GALNTL6: variants seen among roughly 807,000 people sequenced by gnomAD.
GALNTL6 encodes polypeptide N-acetylgalactosaminyltransferase-like 6.
Under a neutral mutation model 73.7 loss-of-function variants are expected in GALNTL6, and 46 were observed. That is an observed-to-expected ratio of 0.62 (90% CI 0.49 to 0.80). The LOEUF is 0.80. Ranked by LOEUF, GALNTL6 falls within the 30% of genes least tolerant of loss-of-function variation. The pLI is 0.00. For synonymous variants in GALNTL6, 259 were observed against 263.7 expected (o/e 0.98, Z 0.17); for missense variants, 604 against 755.0 (o/e 0.80, Z 2.34).
At chr4:172,464,776 A>G (rs1732748432) in intron 5 of GALNTL6, among the ~76,000 whole-genome samples, 1 of 152,098 alleles carries the variant, frequency 6.6e-6, no homozygotes. Context: ...ATTAAAGCAA[A>G]TCAAAGCACA....
At chr4:172,357,634 T>TACACACACACACAC (rs5864129) in intron 5 of GALNTL6, among the ~76,000 whole-genome samples, 57 of 145,838 alleles carry the variant, frequency 3.9e-4, no homozygotes, top group Middle Eastern at 3.5e-3. Flanking sequence ...TATAGATATA[T>TACACACACACACAC]ACACACACAC....
intron 5 of GALNTL6, among the ~76,000 whole-genome samples, chr4:172,431,746 A>G (rs1242100768): frequency 1.3e-5 from 2 of 152,160 alleles, no homozygotes; most frequent in Non-Finnish European, 2.9e-5. Context: ...ATAACTGATT[A>G]GTGTTTTTCT....
In GALNTL6 at chr4:172,419,432, G is replaced by A. The variant is rs80119509; in HGVS notation, c.553+70743G>A. Among the ~76,000 whole-genome samples, 454 of 152,190 alleles carry A rather than the reference G, an allele frequency of 3.0e-3. 1 individual carries two copies. The highest frequency in any genetic ancestry group is 5.0e-3 in the Non-Finnish European group (341 of 68,004). Reference sequence around the variant, plus strand: ...ATGATTATTTTAGTTATAATTTATTGGATATTTTCGATTTCTTTCTTTCAA... The same window carrying A: ...ATGATTATTTTAGTTATAATTTATTAGATATTTTCGATTTCTTTCTTTCAA... On this transcript the variant is annotated intron_variant, in intron 5 of 12. Coordinates refer to ENST00000506823, the MANE Select transcript of GALNTL6 (RefSeq NM_001034845.3).
At chr4:172,732,455 A>T (rs573922699) in intron 5 of GALNTL6, among the ~76,000 whole-genome samples, 189 of 152,282 alleles carry the variant, frequency 1.2e-3, no homozygotes, top group African/African-American at 4.3e-3. Context: ...GGCAGAATAT[A>T]ATTGAGTCAT....
At chr4:172,048,714 C>T (rs1425559118) in intron 2 of GALNTL6, among the ~76,000 whole-genome samples, 1 of 152,076 alleles carries the variant, frequency 6.6e-6, no homozygotes, top group Admixed American at 6.6e-5. Context: ...AAATTTCCCA[C>T]TGAAAAGTTT....
At chr4:172,601,919 C>G (rs1302640662) in intron 5 of GALNTL6, among the ~76,000 whole-genome samples, 2 of 151,962 alleles carry the variant, frequency 1.3e-5, no homozygotes, top group African/African-American at 4.8e-5. Flanking sequence ...AAGAAAATTA[C>G]TCAAAAGAAC....
intron 2 of GALNTL6, among the ~76,000 whole-genome samples, chr4:171,930,850 A>G (rs543206940): frequency 6.6e-6 from 1 of 152,270 alleles, no homozygotes; most frequent in Non-Finnish European, 1.5e-5. Flanking sequence ...AAACAAGCAA[A>G]CAAACAGATC....
intron 5 of GALNTL6, among the ~76,000 whole-genome samples, chr4:172,801,821 G>A (rs1251102809): frequency 2.6e-5 from 4 of 152,058 alleles, no homozygotes; most frequent in Non-Finnish European, 4.4e-5. Context: ...CTTATGCATG[G>A]ATTTTCTTCT....
At chr4:172,805,913 A>G (rs537015815) in intron 5 of GALNTL6, among the ~76,000 whole-genome samples, 1 of 152,230 alleles carries the variant, frequency 6.6e-6, no homozygotes, top group African/African-American at 2.4e-5. Context: ...GATGAAGGAT[A>G]TTTTTTAAAA....
At chr4:172,376,113 A>C (rs1272831554) in intron 5 of GALNTL6, among the ~76,000 whole-genome samples, 1 of 152,176 alleles carries the variant, frequency 6.6e-6, no homozygotes, top group Admixed American at 6.5e-5. Flanking sequence ...TTTGGGCAAA[A>C]ATTGTGTCCT....
At chr4:172,932,935 T>G (rs1282463435) in intron 9 of GALNTL6, among the ~76,000 whole-genome samples, 2 of 152,310 alleles carry the variant, frequency 1.3e-5, no homozygotes, top group East Asian at 3.9e-4. Context: ...ATTAAAATTT[T>G]AATTAGATGC....
At chr4:171,999,197 C>T (rs140723063) in intron 2 of GALNTL6, among the ~76,000 whole-genome samples, 26 of 152,214 alleles carry the variant, frequency 1.7e-4, no homozygotes, top group African/African-American at 5.3e-4. Flanking sequence ...TGAGGTCAAA[C>T]CTAGTCAATC....
At chr4:172,967,146 C>T (rs1750368716) in intron 10 of GALNTL6, among the ~76,000 whole-genome samples, 1 of 152,104 alleles carries the variant, frequency 6.6e-6, no homozygotes, top group South Asian at 2.1e-4. Flanking sequence ...TAACGTTTAC[C>T]TTATATTTCC....
At chr4:172,122,865 A>G (rs2111002307) in intron 2 of GALNTL6, among the ~76,000 whole-genome samples, 1 of 152,190 alleles carries the variant, frequency 6.6e-6, no homozygotes, top group Admixed American at 6.5e-5. Flanking sequence ...CTATTCTAAC[A>G]TAAAAAGGTT....
chr4:172,986,489 T>C (rs1319975824), intron 10 of GALNTL6, among the ~76,000 whole-genome samples: 3 of 152,206 alleles, frequency 2.0e-5, no homozygotes. Context: ...CAATCAGACA[T>C]AGGGTCACTA....
chr4:171,999,802 T>C (rs999439127), intron 2 of GALNTL6, among the ~76,000 whole-genome samples: 2 of 152,174 alleles, frequency 1.3e-5, no homozygotes, highest in Non-Finnish European at 2.9e-5. Context: ...AAAGTCCTTA[T>C]TATTTTGCAA....
chr4:172,147,794 A>G (rs1023132299), intron 2 of GALNTL6, among the ~76,000 whole-genome samples: 1 of 152,174 alleles, frequency 6.6e-6, no homozygotes, highest in Non-Finnish European at 1.5e-5. Flanking sequence ...GCCAGAGAGT[A>G]ACTCTAAGAG....
At chr4:172,498,278 G>A (rs189469905) in intron 5 of GALNTL6, among the ~76,000 whole-genome samples, 15 of 152,042 alleles carry the variant, frequency 9.9e-5, no homozygotes, top group African/African-American at 1.4e-4. Context: ...ATGAGCCACC[G>A]CACCCAGCTG....
chr4:172,838,172 G>T (rs935202348), intron 7 of GALNTL6, among the ~76,000 whole-genome samples: 4 of 152,146 alleles, frequency 2.6e-5, no homozygotes, highest in African/African-American at 9.6e-5. Flanking sequence ...TCTGAGTTCT[G>T]CCTCCTCCCG....
Sources: allele counts gnomAD v4.1 joint callset (sites outside exome capture counted in the v4.1 genomes callset), GRCh38; gene constraint gnomAD v4.1.1; transcripts MANE v1.5; gene names NCBI Gene and HGNC (gene_info 2026-07-23, HGNC 2026-07-21).